Variants in SLC44A5 observed in about 807,000 individuals in gnomAD.
The protein encoded by SLC44A5 is solute carrier family 44 member 5, also known as choline transporter-like protein 5.
Under a neutral mutation model 101.8 loss-of-function variants are expected in SLC44A5, and 57 were observed. The ratio of observed to expected loss-of-function variants is 0.56; its 90% confidence interval spans 0.45 to 0.70. SLC44A5 has a LOEUF of 0.70. SLC44A5 is among the 30% of genes least tolerant of loss of function. The pLI is 0.00. For synonymous variants in SLC44A5, 281 were observed against 290.9 expected (o/e 0.97, Z 0.35); for missense variants, 737 against 853.1 (o/e 0.86, Z 1.70).
chr1:75,645,713 C>T, the SLC44A5 span, among the ~76,000 whole-genome samples: 4 of 137,116 alleles, frequency 2.9e-5, no homozygotes, highest in Non-Finnish European at 4.9e-5. Context: ...ATGCCTATGT[C>T]CTGAATGGAT....
intron 2 of SLC44A5, among the ~76,000 whole-genome samples, chr1:75,425,269 G>A (rs553062779): frequency 6.6e-6 from 1 of 152,332 alleles, no homozygotes; most frequent in South Asian, 2.1e-4. Flanking sequence ...TCAGCACTAT[G>A]TTAGGCACAT....
At chr1:75,565,175 C>T (rs1672727105) in intron 1 of SLC44A5, among the ~76,000 whole-genome samples, 2 of 152,214 alleles carry the variant, frequency 1.3e-5, no homozygotes, top group Non-Finnish European at 2.9e-5. Context: ...TGCCAGCCTA[C>T]TTTTCCCGAC....
intron 1 of SLC44A5, among the ~76,000 whole-genome samples, chr1:75,586,506 T>G (rs1169519922): frequency 6.8e-6 from 1 of 147,900 alleles, no homozygotes; most frequent in Non-Finnish European, 1.5e-5. Context: ...AAAATACAAT[T>G]TCAAAATGCT....
chr1:75,604,648 A>G (rs1675212583), intron 1 of SLC44A5, among the ~76,000 whole-genome samples: 2 of 152,032 alleles, frequency 1.3e-5, no homozygotes, highest in South Asian at 4.1e-4. Flanking sequence ...ATCCATGATC[A>G]TGGAATGTTT....
rs1160573728 is a variant in SLC44A5 at position 75,276,928 on chromosome 1, G to T, written c.176-1886C>A. ...GTCTGTCAGTAGGAATTGTAAAACT[G>T]CCCACCACAGCTGCAAAACAACTCA... is the stretch of plus-strand genomic sequence containing the variant. On this transcript the variant is annotated intron_variant, in intron 5 of 23. Coordinates refer to ENST00000370859, the MANE Select transcript of SLC44A5 (RefSeq NM_001130058.2). Among the ~76,000 whole-genome samples, 3 of 152,144 alleles carry T rather than the reference G, an allele frequency of 2.0e-5. No homozygotes were observed. The East Asian group carries it at 5.8e-4, about 29-fold the overall frequency.
chr1:75,664,639 A>T, the SLC44A5 span, among the ~76,000 whole-genome samples: 1 of 152,238 alleles, frequency 6.6e-6, no homozygotes, highest in South Asian at 2.1e-4. Context: ...GAACTACAAA[A>T]CACGATTAGA....
chr1:75,448,433 T>C (rs1361026183), intron 2 of SLC44A5, among the ~76,000 whole-genome samples: 1 of 152,152 alleles, frequency 6.6e-6, no homozygotes, highest in Non-Finnish European at 1.5e-5. Flanking sequence ...AAAGACAACT[T>C]GACAAAAGAA....
intron 1 of SLC44A5, among the ~76,000 whole-genome samples, chr1:75,548,118 AT>A (rs1671749993): frequency 6.6e-6 from 1 of 152,138 alleles, no homozygotes; most frequent in Non-Finnish European, 1.5e-5. Context: ...ATATTTTTCC[AT>A]GAACTTTTTG....
At chr1:75,683,905 G>C in the SLC44A5 span, among the ~76,000 whole-genome samples, 1 of 150,722 alleles carries the variant, frequency 6.6e-6, no homozygotes, top group Non-Finnish European at 1.5e-5. Flanking sequence ...AAACAAAAAA[G>C]AGCGGAAGTA....
At chr1:75,374,521 G>A (rs112437297) in intron 3 of SLC44A5, among the ~76,000 whole-genome samples, 132 of 152,182 alleles carry the variant, frequency 8.7e-4, no homozygotes, top group African/African-American at 3.1e-3. Context: ...CTCCACTAAG[G>A]CCTGTAGACA....
chr1:75,659,210 T>C, the SLC44A5 span, among the ~76,000 whole-genome samples: 5 of 151,168 alleles, frequency 3.3e-5, no homozygotes, highest in East Asian at 9.7e-4. Flanking sequence ...AAAACTAATA[T>C]TGATTCTACT....
chr1:75,613,192 C>T (rs6673968), upstream of SLC44A5, among the ~76,000 whole-genome samples: 1,353 of 152,324 alleles, frequency 8.9e-3, 20 homozygotes, highest in African/African-American at 0.032. Flanking sequence ...AGAGAAGCAG[C>T]TCTTGTAAGA....
intron 6 of SLC44A5, among the ~76,000 whole-genome samples, chr1:75,258,325 C>G (rs956989001): frequency 1.3e-5 from 2 of 152,078 alleles, no homozygotes; most frequent in East Asian, 3.9e-4. Context: ...GCAGTCTGAG[C>G]TCGACCTGGG....
At chr1:75,493,806 C>G (rs1034951781) in intron 2 of SLC44A5, among the ~76,000 whole-genome samples, 2 of 152,166 alleles carry the variant, frequency 1.3e-5, no homozygotes, top group Non-Finnish European at 1.5e-5. Flanking sequence ...TAAACAACTA[C>G]ACATGGATCA....
intron 3 of SLC44A5, among the ~76,000 whole-genome samples, chr1:75,387,377 A>C (rs1206473658): frequency 8.2e-6 from 1 of 121,614 alleles, no homozygotes; most frequent in Admixed American, 8.4e-5. Context: ...AAAAACAAAC[A>C]ACCCCATCAA....
At chr1:75,688,663 G>C in the SLC44A5 span, among the ~76,000 whole-genome samples, 1 of 152,108 alleles carries the variant, frequency 6.6e-6, no homozygotes. Context: ...CAATGCTAGG[G>C]CTCCAGGGAA....
At position 75,402,912 on chromosome 1, in the gene SLC44A5, C is replaced by A. The variant is rs78460689; in HGVS notation, c.14-6291G>T. 4.4e-3 allele frequency among the ~76,000 whole-genome samples: 670 copies of A among 152,278 alleles called. 6 individuals are homozygous for A. Among genetic ancestry groups the A allele is most frequent in the African/African-American group, 0.016 (650 of 41,548 alleles). On this transcript the variant is annotated intron_variant, in intron 2 of 23. Coordinates refer to ENST00000370859, the MANE Select transcript of SLC44A5 (RefSeq NM_001130058.2). ...AAGTGGTCTAGCTCAGTGGATCCCA[C>A]ACACATTAAGACCAGCAAGCTAAGA...
intron 2 of SLC44A5, among the ~76,000 whole-genome samples, chr1:75,403,017 C>T (rs1054298462): frequency 9.9e-5 from 15 of 152,102 alleles, no homozygotes; most frequent in African/African-American, 3.4e-4. Context: ...GGGGGAGGGA[C>T]GTCCACCATT....
chr1:75,274,176 G>A (rs1017617376), intron 6 of SLC44A5, among the ~76,000 whole-genome samples: 2 of 150,798 alleles, frequency 1.3e-5, no homozygotes, highest in Non-Finnish European at 2.9e-5. Flanking sequence ...TGGTTGCTTT[G>A]GGGTTTTTTT....
Sources: allele counts gnomAD v4.1 joint callset (sites outside exome capture counted in the v4.1 genomes callset), GRCh38; gene constraint gnomAD v4.1.1; transcripts MANE v1.5; gene names NCBI Gene and HGNC (gene_info 2026-07-23, HGNC 2026-07-21).